SLC39A14: variants seen among roughly 807,000 people sequenced by gnomAD.
SLC39A14 encodes metal cation symporter ZIP14.
SLC39A14 carries 19 observed loss-of-function variants against 45.5 expected under a neutral mutation model. The observed-to-expected ratio is 0.42, with a 90% CI of 0.29 to 0.61. The LOEUF (loss-of-function observed/expected upper bound fraction) is 0.61, where lower values mean the gene tolerates loss of function less well. Among genes scored for constraint, SLC39A14 ranks in the 20% least tolerant of loss-of-function variants. The pLI is 0.22. For missense variants in SLC39A14, 447 were observed against 616.5 expected (o/e 0.73, Z 2.91); for synonymous variants, 264 against 251.3 (o/e 1.05, Z -0.48).
intron 1 of SLC39A14, among the ~76,000 whole-genome samples, chr8:22,371,837 C>T (rs529458175): frequency 5.2e-4 from 78 of 151,370 alleles, no homozygotes; most frequent in East Asian, 1.9e-3. Context: ...CTCTGCCTCC[C>T]GGGTTCAAGC....
intron 1 of SLC39A14, among the ~76,000 whole-genome samples, chr8:22,404,287 G>A (rs577222930): frequency 4.6e-5 from 7 of 152,098 alleles, no homozygotes; most frequent in African/African-American, 1.7e-4. Context: ...TTAGTTGGGT[G>A]TGGTGGCGGG....
intron 3 of SLC39A14, among the ~76,000 whole-genome samples, chr8:22,411,053 C>G (rs1835538366): frequency 6.6e-6 from 1 of 152,240 alleles, no homozygotes; most frequent in African/African-American, 2.4e-5. Context: ...TTGGTGCCAT[C>G]TCAAAATTCT....
chr8:22,403,387 C>T (rs1835003046), intron 1 of SLC39A14, among the ~76,000 whole-genome samples: 1 of 151,936 alleles, frequency 6.6e-6, no homozygotes. Flanking sequence ...TCAAGCGATT[C>T]TCCTGCCTCA....
intron 4 of SLC39A14, among the ~76,000 whole-genome samples, chr8:22,413,171 C>T (rs544889922): frequency 1.3e-5 from 2 of 152,324 alleles, no homozygotes; most frequent in East Asian, 3.9e-4. Flanking sequence ...ACAATAAGCA[C>T]AGGACGTCTC....
intron 1 of SLC39A14, among the ~76,000 whole-genome samples, chr8:22,383,135 C>G (rs1011300769): frequency 6.6e-6 from 1 of 152,186 alleles, no homozygotes; most frequent in Non-Finnish European, 1.5e-5. Context: ...TGCCTCTGCT[C>G]AGGAGGATAG....
rs1015949817 is a variant in SLC39A14 at position 22,419,555 on chromosome 8, C to T, written c.1336C>T (p.Pro446Ser). The T allele has an allele frequency of 6.2e-7, 1 of 1,611,458 alleles. No homozygotes were observed. Among genetic ancestry groups the T allele is most frequent in the Non-Finnish European group, 8.5e-7 (1 of 1,179,056 alleles). The change falls in exon 9 of 9, where the codon CCT (proline) becomes TCT (serine). Residue 446 changes from proline (P) to serine (S), a missense_variant. By Grantham distance (74) the Pro-to-Ser change is moderately conservative. Around this residue, in one of 2 missense-constraint regions of SLC39A14, gnomAD observed 105 missense variants for 188.4 expected, o/e 0.56. Coordinates refer to ENST00000381237, the MANE Select transcript of SLC39A14 (RefSeq NM_001128431.4). ...TTGTTTCTTGCTTCTTTCCCAGTTCCCTGAGATGAATGAGGTCTGTCAAGA... is the reference window on the plus strand; with the variant it reads ...TTGTTTCTTGCTTCTTTCCCAGTTCTCTGAGATGAATGAGGTCTGTCAAGA... Reference protein sequence around the residue: ...FLYISLADMFPEMNEVCQEDE... With the variant: ...FLYISLADMFSEMNEVCQEDE...
rs779800125 is a variant in SLC39A14 at position 22,419,728 on chromosome 8, G to A, written c.*30G>A. On this transcript the variant is annotated 3_prime_UTR_variant, in exon 9 of 9. Transcript: ENST00000381237. Reference sequence around the variant, plus strand: ...CTGCCAAGAGCCTGTGGGACTGGAAGTCGGGCCCTGGGCTGCCCGATCGCC... The same window carrying A: ...CTGCCAAGAGCCTGTGGGACTGGAAATCGGGCCCTGGGCTGCCCGATCGCC... 3 of 1,559,146 alleles carry A rather than the reference G, an allele frequency of 1.9e-6. No individual in the cohort carries two copies. The highest frequency in any genetic ancestry group is 4.5e-5 in the East Asian group (2 of 44,058).
chr8:22,403,832 T>G (rs1439184247), intron 1 of SLC39A14, among the ~76,000 whole-genome samples: 1 of 151,732 alleles, frequency 6.6e-6, no homozygotes, highest in Non-Finnish European at 1.5e-5. Flanking sequence ...GCAGGAGAAT[T>G]GCGTGAACCT....
chr8:22,384,273 G>C (rs947851886), intron 1 of SLC39A14, among the ~76,000 whole-genome samples: 5 of 152,138 alleles, frequency 3.3e-5, no homozygotes, highest in Admixed American at 2.0e-4. Context: ...GCCTGTACTT[G>C]TGGACTTTCC....
At chr8:22,428,806 C>G (rs1028516473) in intron 8 of SLC39A14, among the ~76,000 whole-genome samples, 1 of 152,098 alleles carries the variant, frequency 6.6e-6, no homozygotes, top group African/African-American at 2.4e-5. Context: ...CTGCCTTGAT[C>G]TAACTGATGA....
chr8:22,407,023 G>C (rs1586722752), intron 2 of SLC39A14, among the ~76,000 whole-genome samples: 1 of 152,208 alleles, frequency 6.6e-6, no homozygotes. Flanking sequence ...TCACAGGAAC[G>C]GTTCGTGAGA....
At chr8:22,394,691 C>G (rs1586685303) in intron 1 of SLC39A14, among the ~76,000 whole-genome samples, 1 of 152,170 alleles carries the variant, frequency 6.6e-6, no homozygotes, top group East Asian at 1.9e-4. Context: ...TTCTGCATTC[C>G]TGAGCTCTCC....
chr8:22,392,735 T>TGCTCCA (rs1834149643), intron 1 of SLC39A14: 1 of 152,330 alleles, frequency 6.6e-6, no homozygotes, highest in Non-Finnish European at 1.5e-5. Context: ...AAGTCCCCTT[T>TGCTCCA]GCTCCAGCTC....
At chr8:22,423,798 C>CTCTT (rs1836332727), downstream of SLC39A14, among the ~76,000 whole-genome samples, 1 of 149,332 alleles carries the variant, frequency 6.7e-6, no homozygotes, top group African/African-American at 2.5e-5. Context: ...CTCTCTCTCT[C>CTCTT]TCTCTCTCTC....
At chr8:22,412,519 G>A (rs767971414) in intron 4 of SLC39A14, among the ~76,000 whole-genome samples, 4 of 152,206 alleles carry the variant, frequency 2.6e-5, no homozygotes, top group Non-Finnish European at 5.9e-5. Context: ...TGGAACGAGC[G>A]AGTCTGCTGC....
chr8:22,433,391 G>C (rs1451336125), intron 8 of SLC39A14, among the ~76,000 whole-genome samples: 1 of 151,720 alleles, frequency 6.6e-6, no homozygotes, highest in South Asian at 2.1e-4. Context: ...TGTTGTCCAG[G>C]ATGGAGTGCA....
intron 8 of SLC39A14, among the ~76,000 whole-genome samples, chr8:22,433,380 A>G (rs867055122): frequency 4.6e-5 from 7 of 151,862 alleles, no homozygotes; most frequent in African/African-American, 1.7e-4. Context: ...GAGTCTTGCT[A>G]TGTTGTCCAG....
In SLC39A14 at chr8:22,396,847, TG is replaced by T. The variant is rs201763178; in HGVS notation, c.-15-7846del. On this transcript the variant is annotated intron_variant, in intron 1 of 8. Coordinates refer to ENST00000381237, the MANE Select transcript of SLC39A14 (RefSeq NM_001128431.4). The stretch of plus-strand genomic sequence containing the variant: ...TGTCATTCATTTGGTTTGTCAGGGT[TG>T]GGCCAGGAATAGAACATGAGCCATG... Among the ~76,000 whole-genome samples, 845 of 152,250 alleles carry T rather than the reference TG, an allele frequency of 5.6e-3. 6 individuals are homozygous for T. The highest frequency in any genetic ancestry group is 0.02 in the African/African-American group (821 of 41,546).
intron 1 of SLC39A14, among the ~76,000 whole-genome samples, chr8:22,393,785 C>T (rs1834215067): frequency 6.6e-6 from 1 of 152,050 alleles, no homozygotes. Flanking sequence ...AGTCCTCCCA[C>T]CTCAGGCCTC....
Sources: allele counts gnomAD v4.1 joint callset (sites outside exome capture counted in the v4.1 genomes callset), GRCh38; gene constraint gnomAD v4.1.1; regional missense constraint gnomAD v4.1.1; transcripts MANE v1.5; gene names NCBI Gene and HGNC (gene_info 2026-07-23, HGNC 2026-07-21).